HACD2: variants seen among roughly 807,000 people sequenced by gnomAD.
HACD2 encodes the protein very-long-chain (3R)-3-hydroxyacyl-CoA dehydratase 2.
In HACD2, 15 loss-of-function variants were observed where a neutral mutation model predicts 31.0. That is an observed-to-expected ratio of 0.48 (90% CI 0.32 to 0.75). The LOEUF is 0.75. Among genes scored for constraint, HACD2 ranks in the 30% least tolerant of loss-of-function variants. HACD2 has a pLI of 0.03. For synonymous variants in HACD2, 115 were observed against 122.2 expected (o/e 0.94, Z 0.39); for missense variants, 283 against 313.0 (o/e 0.90, Z 0.72).
At chr3:123,523,673 T>C (rs1240317819) in intron 4 of HACD2, among the ~76,000 whole-genome samples, 1 of 152,212 alleles carries the variant, frequency 6.6e-6, no homozygotes, top group Non-Finnish European at 1.5e-5. Flanking sequence ...GGTGACACTT[T>C]TGAGGAATCC....
chr3:123,574,614 A>G (rs1215640500), intron 2 of HACD2, among the ~76,000 whole-genome samples: 3 of 152,106 alleles, frequency 2.0e-5, no homozygotes, highest in African/African-American at 4.8e-5. Context: ...AAACTTTAAA[A>G]TCTTATTTTC....
intron 3 of HACD2, among the ~76,000 whole-genome samples, chr3:123,545,171 G>A (rs1453975667): frequency 8.7e-5 from 12 of 137,146 alleles, no homozygotes; most frequent in African/African-American, 3.0e-4. Context: ...ATGTGTATGT[G>A]TTACTTTATA....
intron 3 of HACD2, among the ~76,000 whole-genome samples, chr3:123,551,983 C>A (rs1400246209): frequency 2.0e-5 from 3 of 152,128 alleles, no homozygotes; most frequent in Non-Finnish European, 4.4e-5. Flanking sequence ...ACTCAATACA[C>A]CTGTAAGTAA....
At chr3:123,535,082 A>G (rs1365958764) in intron 3 of HACD2, among the ~76,000 whole-genome samples, 3 of 152,216 alleles carry the variant, frequency 2.0e-5, no homozygotes, top group African/African-American at 7.2e-5. Flanking sequence ...CATAAAGTCT[A>G]CAGTAGTACA....
intron 3 of HACD2, among the ~76,000 whole-genome samples, chr3:123,544,020 A>C (rs1038962913): frequency 2.0e-5 from 3 of 152,210 alleles, no homozygotes; most frequent in African/African-American, 7.2e-5. Context: ...AAGATCCAAG[A>C]AGGATAAAAG....
chr3:123,581,777 A>G (rs1255218436), intron 2 of HACD2, among the ~76,000 whole-genome samples: 1 of 152,200 alleles, frequency 6.6e-6, no homozygotes, highest in Admixed American at 6.5e-5. Context: ...CAGGGAAATC[A>G]ATACATTTTT....
chr3:123,563,642 TATACACACACACACAC>T (rs747628859), intron 3 of HACD2, among the ~76,000 whole-genome samples: 3,697 of 105,218 alleles, frequency 0.035, 66 homozygotes, highest in Middle Eastern at 0.1. Context: ...AAAAAATATA[TATACACACACACACAC>T]ACACACACAC....
intron 4 of HACD2, chr3:123,503,004 CT>C: frequency 4.4e-6 from 1 of 226,498 alleles, no homozygotes; most frequent in Non-Finnish European, 8.9e-6. Flanking sequence ...GTGGTCACGC[CT>C]GTAATCCCAG....
chr3:123,574,723 AGTGGT>A (rs2056890653), intron 2 of HACD2, among the ~76,000 whole-genome samples: 1 of 152,134 alleles, frequency 6.6e-6, no homozygotes, highest in African/African-American at 2.4e-5. Context: ...GTATATTAAA[AGTGGT>A]AATCTTTTAC....
intron 4 of HACD2, among the ~76,000 whole-genome samples, chr3:123,515,395 G>A (rs2056121894): frequency 6.6e-6 from 1 of 152,188 alleles, no homozygotes; most frequent in Admixed American, 6.5e-5. Context: ...GGGCATAGAA[G>A]ATACTGAATA....
intron 4 of HACD2, among the ~76,000 whole-genome samples, chr3:123,516,470 G>A (rs1389393060): frequency 2.6e-5 from 4 of 152,042 alleles, no homozygotes; most frequent in East Asian, 3.9e-4. Flanking sequence ...TTCTGACCTC[G>A]TGATCCGCCC....
chr3:123,507,525 A>G (rs1041380736), intron 4 of HACD2, among the ~76,000 whole-genome samples: 1 of 152,212 alleles, frequency 6.6e-6, no homozygotes, highest in Non-Finnish European at 1.5e-5. Flanking sequence ...ATCATACATT[A>G]TATGATTCCA....
chr3:123,556,028 C>A (rs952312598), intron 3 of HACD2, among the ~76,000 whole-genome samples: 3 of 152,138 alleles, frequency 2.0e-5, no homozygotes, highest in Non-Finnish European at 4.4e-5. Context: ...TAGACACAGA[C>A]CTGACACCTT....
chr3:123,564,580 C>A (rs141362467), intron 3 of HACD2, among the ~76,000 whole-genome samples: 2 of 152,048 alleles, frequency 1.3e-5, no homozygotes, highest in East Asian at 3.9e-4. Context: ...GACTTTAGAC[C>A]AGAGGGTGAT....
chr3:123,562,844 TAATGA>T (rs1166335266), intron 3 of HACD2, among the ~76,000 whole-genome samples: 1 of 152,232 alleles, frequency 6.6e-6, no homozygotes, highest in East Asian at 1.9e-4. Flanking sequence ...TAAGTTGTTG[TAATGA>T]AAACTTTCAG....
rs528151894 is a variant in HACD2 at position 123,553,461 on chromosome 3, C to G, written c.292+14301G>C. Among the ~76,000 whole-genome samples, 4 of 152,372 alleles carry G rather than the reference C, an allele frequency of 2.6e-5. No individual in the cohort carries two copies. The East Asian group carries it at 7.7e-4, about 29-fold the overall frequency. ...CTCAGAGAATACTATGCCCACAGCC[C>G]TTCTTGGGAATCTTTTGGGGACAGG... On this transcript the variant is annotated intron_variant, in intron 3 of 6. Transcript: ENST00000383657.
chr3:123,582,322 C>A lies in HACD2; in HGVS notation c.163G>T (p.Val55Phe). 6.4e-7 allele frequency: 1 copy of A among 1,574,438 alleles called. No individual in the cohort carries two copies. Among genetic ancestry groups the A allele is most frequent in the Non-Finnish European group, 8.6e-7 (1 of 1,163,334 alleles). Reference sequence around the variant, plus strand: ...GCTCGGACCAGACCAACCGCTATAACCAGCCACCTAGTAAAAGAGAAAACA... The same window carrying A: ...GCTCGGACCAGACCAACCGCTATAAACAGCCACCTAGTAAAAGAGAAAACA... Reference protein sequence around the residue: ...YNVVMTAGWLVIAVGLVRAYL... With the variant: ...YNVVMTAGWLFIAVGLVRAYL... Residue 55 changes from valine to phenylalanine, a missense_variant, in exon 2 of 7, where the codon GTT (valine) becomes TTT (phenylalanine). Val to Phe is a conservative substitution (Grantham distance 50, BLOSUM62 -1). Coordinates refer to ENST00000383657, the MANE Select transcript of HACD2 (RefSeq NM_198402.5).
intron 2 of HACD2, among the ~76,000 whole-genome samples, 188 bp from the exon 3 acceptor site, chr3:123,567,968 TTTTG>T (rs780041580): frequency 1.6e-4 from 25 of 152,348 alleles, no homozygotes; most frequent in African/African-American, 2.6e-4. Flanking sequence ...TCTTGTTCAG[TTTTG>T]TTTGTTTGTT....
intron 3 of HACD2, among the ~76,000 whole-genome samples, 174 bp downstream of exon 3, chr3:123,567,588 T>TA (rs1016230474): frequency 6.6e-6 from 1 of 152,248 alleles, no homozygotes; most frequent in Non-Finnish European, 1.5e-5. Flanking sequence ...GACATCTAAA[T>TA]AGTACCTATG....
Sources: allele counts gnomAD v4.1 joint callset (sites outside exome capture counted in the v4.1 genomes callset), GRCh38; gene constraint gnomAD v4.1.1; transcripts MANE v1.5; gene names NCBI Gene and HGNC (gene_info 2026-07-23, HGNC 2026-07-21).